Variants in SHROOM3 observed in about 807,000 individuals in gnomAD.
The protein encoded by SHROOM3 is protein Shroom3.
SHROOM3 carries 47 observed loss-of-function variants against 138.6 expected under a neutral mutation model. That is an observed-to-expected ratio of 0.34 (90% confidence interval 0.27 to 0.43). SHROOM3 has a LOEUF of 0.43. Among genes scored for constraint, SHROOM3 ranks in the 20% least tolerant of loss-of-function variants. SHROOM3 has a pLI of 1.00. For missense variants in SHROOM3, 2,491 were observed against 2,596.5 expected (o/e 0.96, Z 0.88); for synonymous variants, 1,062 against 1,063.3 (o/e 1.00, Z 0.02).
chr4:76,670,229 A>G (rs1380677795), intron 2 of SHROOM3, among the ~76,000 whole-genome samples: 1 of 152,230 alleles, frequency 6.6e-6, no homozygotes, highest in East Asian at 1.9e-4. Flanking sequence ...GAAATGTTGT[A>G]TTTCTACACA....
At chr4:76,441,429 C>A (rs192272558) in intron 1 of SHROOM3, among the ~76,000 whole-genome samples, 69 of 152,214 alleles carry the variant, frequency 4.5e-4, no homozygotes, top group African/African-American at 1.7e-3. Context: ...TAGGCAGTTC[C>A]CCAAGACCTG....
chr4:76,727,646 T>C (rs917063196), intron 3 of SHROOM3, among the ~76,000 whole-genome samples: 29 of 152,106 alleles, frequency 1.9e-4, no homozygotes, highest in African/African-American at 6.8e-4. Context: ...TTCCAGCACC[T>C]TGGGAGGCCA....
intron 1 of SHROOM3, among the ~76,000 whole-genome samples, chr4:76,459,298 G>A (rs570806669): frequency 1.3e-5 from 2 of 152,254 alleles, no homozygotes; most frequent in Admixed American, 6.5e-5. Flanking sequence ...TGCTTTGGGA[G>A]TTTTTAACGC....
intron 2 of SHROOM3, among the ~76,000 whole-genome samples, chr4:76,650,865 G>A (rs149396267): frequency 7.1e-4 from 108 of 152,196 alleles, no homozygotes; most frequent in African/African-American, 2.5e-3. Flanking sequence ...CAATAGCTAA[G>A]ATTTGGAAGC....
intron 6 of SHROOM3, among the ~76,000 whole-genome samples, chr4:76,750,427 C>A (rs1286739240): frequency 6.6e-6 from 1 of 152,150 alleles, no homozygotes; most frequent in Non-Finnish European, 1.5e-5. Flanking sequence ...AAAACAAATA[C>A]TGCACGTTCT....
intron 2 of SHROOM3, among the ~76,000 whole-genome samples, chr4:76,608,551 A>ATAGCG (rs1161711693): frequency 0.061 from 4,616 of 75,686 alleles, 143 homozygotes; most frequent in African/African-American, 0.13. Context: ...ATAGCATAGC[A>ATAGCG]TAGCATAGCA....
intron 2 of SHROOM3, among the ~76,000 whole-genome samples, chr4:76,587,547 C>CA (rs1734180321): frequency 6.6e-6 from 1 of 152,164 alleles, no homozygotes; most frequent in African/African-American, 2.4e-5. Flanking sequence ...CTGTGCTAAT[C>CA]ATCCTCAAGT....
chr4:76,519,565 T>C (rs558769148), intron 1 of SHROOM3, among the ~76,000 whole-genome samples: 1 of 152,296 alleles, frequency 6.6e-6, no homozygotes, highest in South Asian at 2.1e-4. Flanking sequence ...AAACATCTTT[T>C]CCTTTATCTA....
intron 1 of SHROOM3, among the ~76,000 whole-genome samples, chr4:76,468,920 G>A (rs1731305734): frequency 6.6e-6 from 1 of 151,978 alleles, no homozygotes; most frequent in Non-Finnish European, 1.5e-5. Context: ...TGTAGTCCCA[G>A]CTACTCGGGA....
intron 9 of SHROOM3, among the ~76,000 whole-genome samples, chr4:76,765,702 G>C (rs1722133124): frequency 6.6e-6 from 1 of 152,232 alleles, no homozygotes; most frequent in African/African-American, 2.4e-5. Context: ...AATATGAGCG[G>C]TGTGTCATCT....
chr4:76,683,210 A>G (rs1033772982), intron 2 of SHROOM3, among the ~76,000 whole-genome samples: 2 of 152,064 alleles, frequency 1.3e-5, no homozygotes, highest in Non-Finnish European at 2.9e-5. Context: ...ATCATCTATT[A>G]TGTGTTTTAT....
chr4:76,660,038 GAC>G (rs774057207), intron 2 of SHROOM3, among the ~76,000 whole-genome samples: 1 of 152,118 alleles, frequency 6.6e-6, no homozygotes, highest in Non-Finnish European at 1.5e-5. Context: ...GAGGCCACCA[GAC>G]TCGAGAGTGT....
intron 2 of SHROOM3, among the ~76,000 whole-genome samples, chr4:76,667,993 G>A (rs1192592911): frequency 9.2e-4 from 69 of 75,278 alleles, no homozygotes; most frequent in African/African-American, 1.2e-3. Context: ...AAAAAAAAAA[G>A]TTGTTCTGCA....
intron 1 of SHROOM3, among the ~76,000 whole-genome samples, chr4:76,465,484 A>T (rs1731232065): frequency 6.6e-6 from 1 of 152,176 alleles, no homozygotes; most frequent in African/African-American, 2.4e-5. Flanking sequence ...AGGACTTCCC[A>T]TCAGCCTGGC....
At chr4:76,563,946 C>T (rs1027178703) in intron 2 of SHROOM3, among the ~76,000 whole-genome samples, 3 of 152,192 alleles carry the variant, frequency 2.0e-5, no homozygotes, top group African/African-American at 7.2e-5. Context: ...AGTGTGTCCC[C>T]ACCACGTGCC....
intron 3 of SHROOM3, among the ~76,000 whole-genome samples, chr4:76,721,183 C>A (rs13146751): frequency 1.3e-5 from 2 of 149,680 alleles, no homozygotes; most frequent in East Asian, 4.1e-4. Flanking sequence ...TAGTGGCGGG[C>A]GCCTGTAGTC....
chr4:76,631,505 A>T lies in SHROOM3; in HGVS notation c.323+75742A>T, dbSNP rs184354162. ...TGGGATTACAGACATGAGCCACCAC[A>T]CCTGGCCGCAAGGTGACTTTTGAAC... On this transcript the variant is annotated intron_variant, in intron 2 of 10. Transcript: ENST00000296043. Among the ~76,000 whole-genome samples, 4 of 152,044 alleles carry T rather than the reference A, an allele frequency of 2.6e-5. No homozygotes were observed. In the East Asian group the frequency reaches 7.8e-4, roughly 30 times the overall value.
chr4:76,610,134 A>G (rs1365082546), intron 2 of SHROOM3, among the ~76,000 whole-genome samples: 2 of 152,254 alleles, frequency 1.3e-5, no homozygotes, highest in African/African-American at 2.4e-5. Context: ...CAAAGCAAAT[A>G]AGCCAGTGCC....
At chr4:76,699,794 G>T (rs184486334) in intron 2 of SHROOM3, among the ~76,000 whole-genome samples, 1 of 152,172 alleles carries the variant, frequency 6.6e-6, no homozygotes, top group Non-Finnish European at 1.5e-5. Flanking sequence ...GGAGAGGCAT[G>T]TCAGAGGTAT....
Sources: gnomAD v4.1 joint callset for allele counts (sites outside exome capture counted in the v4.1 genomes callset) on GRCh38, gnomAD v4.1.1 for gene constraint, MANE v1.5 for transcripts, NCBI Gene and HGNC (gene_info 2026-07-23, HGNC 2026-07-21) for gene names.